Variants in DMD observed in about 807,000 individuals in gnomAD.
DMD encodes dystrophin.
In DMD, 63 loss-of-function variants were observed where a neutral mutation model predicts 330.1. The ratio of observed to expected loss-of-function variants is 0.19; its 90% CI spans 0.16 to 0.24. The LOEUF is 0.24. DMD is among the 10% of genes least tolerant of loss of function. The pLI, the probability that DMD is intolerant of heterozygous loss-of-function variation, is 1.00. For missense variants in DMD, 3,344 were observed against 2,684.1 expected, an observed-to-expected ratio of 1.25 and a Z score of -5.43; for synonymous variants, 1,223 against 959.8, an observed-to-expected ratio of 1.27 and a Z score of -5.07.
intron 7 of DMD, among the ~76,000 whole-genome samples, chrX:32,737,867 C>G (rs759237028): frequency 7.2e-5 from 8 of 111,607 alleles, no homozygotes; most frequent in East Asian, 5.6e-4. Context: ...CATTATCCAA[C>G]AAATTTATTT....
intron 33 of DMD, among the ~76,000 whole-genome samples, chrX:32,383,597 CA>C (rs2097939235): frequency 9.0e-6 from 1 of 110,517 alleles, no homozygotes; most frequent in Non-Finnish European, 1.9e-5. Context: ...ATATTTACTT[CA>C]AAAATAAATG....
chrX:32,307,661 G>C (rs1266481864), intron 42 of DMD, among the ~76,000 whole-genome samples: 1 of 111,329 alleles, frequency 9.0e-6, no homozygotes, highest in Non-Finnish European at 1.9e-5. Flanking sequence ...CTGCTTTTAG[G>C]ATAAGCTTTC....
Position 32,721,405 on chromosome X carries a change from G to T in DMD, c.650-22112C>A. ...CTTTTAGATAATACTCATCCTAACAGGTATGAAGTAATACCTTATTATGAT... is the reference window on the plus strand; with the variant it reads ...CTTTTAGATAATACTCATCCTAACATGTATGAAGTAATACCTTATTATGAT... On this transcript the variant is annotated intron_variant, in intron 7 of 78. Transcript: ENST00000357033. Among the ~76,000 whole-genome samples, 4 of 109,683 alleles carry T rather than the reference G, an allele frequency of 3.6e-5. No homozygotes were observed. The South Asian group carries it at 1.6e-3, about 43-fold the overall frequency.
intron 24 of DMD, among the ~76,000 whole-genome samples, 180 bp downstream of exon 24, chrX:32,464,406 A>T (rs1237633773): frequency 9.1e-6 from 1 of 110,137 alleles, no homozygotes; most frequent in East Asian, 2.9e-4. Context: ...CCTATTAGAC[A>T]CCAGTAGCAT....
At chrX:32,214,979 T>C (rs2147850245) in intron 44 of DMD, among the ~76,000 whole-genome samples, 1 of 111,454 alleles carries the variant, frequency 9.0e-6, no homozygotes, top group Non-Finnish European at 1.9e-5. Flanking sequence ...ATTCTAACAG[T>C]TATTATATCT....
intron 7 of DMD, among the ~76,000 whole-genome samples, chrX:32,714,302 T>G (rs962728880): frequency 9.0e-6 from 1 of 111,302 alleles, no homozygotes; most frequent in African/African-American, 3.3e-5. Context: ...ATAGGTAATT[T>G]TTCATCTCTC....
intron 4 of DMD, among the ~76,000 whole-genome samples, chrX:32,829,839 G>C (rs915500406): frequency 9.0e-6 from 1 of 111,521 alleles, no homozygotes; most frequent in Non-Finnish European, 1.9e-5. Flanking sequence ...CTTCCACAAG[G>C]TCTGATTTAA....
chrX:33,205,893 T>A (rs1441781371), intron 1 of DMD, among the ~76,000 whole-genome samples: 1 of 111,756 alleles, frequency 8.9e-6, no homozygotes, highest in Non-Finnish European at 1.9e-5. Flanking sequence ...TATGCCCATG[T>A]ATGGTTTTCA....
intron 44 of DMD, among the ~76,000 whole-genome samples, chrX:32,141,713 AC>A (rs2096754737): frequency 9.3e-6 from 1 of 107,455 alleles, no homozygotes. Context: ...ACACACACAC[AC>A]ACACACACAC....
intron 18 of DMD, among the ~76,000 whole-genome samples, chrX:32,503,905 G>A (rs1449112203): frequency 2.7e-5 from 3 of 111,762 alleles, no homozygotes; most frequent in African/African-American, 9.8e-5. Context: ...TCCTAAGTGG[G>A]AGACCTGACG....
At chrX:32,926,991 T>A (rs1053166316) in intron 2 of DMD, among the ~76,000 whole-genome samples, 7 of 111,669 alleles carry the variant, frequency 6.3e-5, no homozygotes, top group Admixed American at 1.9e-4. Flanking sequence ...CATGGCATCA[T>A]CTGCAGAGGT....
At chrX:32,563,342 CAAAAAAAAAAAA>C (rs745316161) in intron 16 of DMD, among the ~76,000 whole-genome samples, 1 of 42,853 alleles carries the variant, frequency 2.3e-5, no homozygotes, top group Non-Finnish European at 4.1e-5. Flanking sequence ...GACTCCATCT[CAAAAAAAAAAAA>C]AAAAAAAAAA....
Position 32,068,002 on chromosome X carries a change from G to A in DMD, c.6439-99488C>T, listed in dbSNP as rs190777833. Among the ~76,000 whole-genome samples the A allele has an allele frequency of 6.3e-5, 7 of 111,651 alleles. No individual in the cohort carries two copies. The East Asian group carries it at 1.7e-3, about 27-fold the overall frequency. ...TGTATAAGCATCCCCTTGTCTCTGC[G>A]GCCTTGCCAGCATTGGGTGTCTTTT... On this transcript the variant is annotated intron_variant, in intron 44 of 78. Transcript: ENST00000357033.
At chrX:32,734,793 C>T (rs2068210751) in intron 7 of DMD, among the ~76,000 whole-genome samples, 1 of 106,816 alleles carries the variant, frequency 9.4e-6, no homozygotes, top group East Asian at 2.9e-4. Context: ...CTATGACAAA[C>T]CCACAGCCAA....
intron 54 of DMD, among the ~76,000 whole-genome samples, chrX:31,632,533 A>G (rs140518268): frequency 0.037 from 4,148 of 111,933 alleles, 183 homozygotes; most frequent in African/African-American, 0.12. Context: ...GAGTAATCAC[A>G]TAAAATACTC....
chrX:32,873,275 A>T (rs2083138486), intron 2 of DMD, among the ~76,000 whole-genome samples: 1 of 110,021 alleles, frequency 9.1e-6, no homozygotes, highest in Non-Finnish European at 1.9e-5. Flanking sequence ...GGCTACCAAC[A>T]TCTCTAGGAT....
intron 5 of DMD, among the ~76,000 whole-genome samples, chrX:32,817,763 T>A (rs1364271269): frequency 8.9e-6 from 1 of 112,197 alleles, no homozygotes; most frequent in East Asian, 2.8e-4. Context: ...TTGGGGTAAA[T>A]GCATATTTTA....
At chrX:31,456,300 C>A (rs1174325037) in intron 59 of DMD, among the ~76,000 whole-genome samples, 1 of 111,973 alleles carries the variant, frequency 8.9e-6, no homozygotes, top group Non-Finnish European at 1.9e-5. Context: ...CACATATAGT[C>A]ACACAAGTTC....
chrX:32,964,060 C>T (rs1330455600), intron 2 of DMD, among the ~76,000 whole-genome samples: 2 of 108,821 alleles, frequency 1.8e-5, no homozygotes, highest in African/African-American at 6.7e-5. Flanking sequence ...CGAGACCGTC[C>T]TGGCCAACAT....
Sources: allele counts gnomAD v4.1 joint callset (sites outside exome capture counted in the v4.1 genomes callset), GRCh38; gene constraint gnomAD v4.1.1; transcripts MANE v1.5; gene names NCBI Gene and HGNC (gene_info 2026-07-23, HGNC 2026-07-21).